The following MCM9 variants were observed in gnomAD, a reference collection of about 807,000 sequenced individuals.
The protein encoded by MCM9 is DNA helicase MCM9.
MCM9 carries 55 observed loss-of-function variants against 72.8 expected under a neutral mutation model. That is an observed-to-expected ratio of 0.76 (90% CI 0.61 to 0.95). The LOEUF (loss-of-function observed/expected upper bound fraction) is 0.95, where lower values mean the gene tolerates loss of function less well. MCM9 is among the 40% of genes least tolerant of loss of function. The pLI, the probability that MCM9 is intolerant of heterozygous loss-of-function variation, is 0.00. For missense variants in MCM9, 1,279 were observed against 1,377.0 expected (o/e 0.93, Z 1.13); for synonymous variants, 480 against 503.4 (o/e 0.95, Z 0.62).
chr6:118,865,218 G>C (rs1376710362), intron 8 of MCM9, among the ~76,000 whole-genome samples: 1 of 151,960 alleles, frequency 6.6e-6, no homozygotes, highest in East Asian at 1.9e-4. Context: ...ACAGAAAAAA[G>C]TGCCAGTTTT....
chr6:118,875,067 C>T (rs921396469), intron 8 of MCM9, among the ~76,000 whole-genome samples: 9 of 152,246 alleles, frequency 5.9e-5, no homozygotes, highest in Non-Finnish European at 8.8e-5. Context: ...GAGCCAAGAT[C>T]GCGCCATTGC....
At position 118,893,360 on chromosome 6, in the gene MCM9, A is replaced by G. The variant is rs147109562; in HGVS notation, c.1150+18290T>C. 4.0e-3 allele frequency among the ~76,000 whole-genome samples: 606 copies of G among 152,264 alleles called. 11 individuals carry two copies. In the East Asian group the frequency reaches 0.045, roughly 11 times the overall value. On this transcript the variant is annotated intron_variant, in intron 8 of 13. Transcript: ENST00000619706. ...ACGTTTGTTGCCCTGTTGGTCTCCT[A>G]ACACTTCCATTTTCTCCTTTTATGT...
intron 8 of MCM9, among the ~76,000 whole-genome samples, chr6:118,867,103 G>A (rs1014109990): frequency 9.9e-5 from 15 of 151,384 alleles, no homozygotes; most frequent in African/African-American, 3.4e-4. Context: ...TTAAAAAAAG[G>A]GGGTGATAAA....
At chr6:118,879,957 T>A (rs963755910) in intron 8 of MCM9, among the ~76,000 whole-genome samples, 5 of 151,164 alleles carry the variant, frequency 3.3e-5, no homozygotes, top group African/African-American at 1.2e-4. Flanking sequence ...GCAAGGAGAA[T>A]CACTTGAACC....
intron 6 of MCM9, among the ~76,000 whole-genome samples, chr6:118,916,378 G>T (rs1436498907): frequency 6.8e-6 from 1 of 146,354 alleles, no homozygotes; most frequent in Non-Finnish European, 1.5e-5. Context: ...AAAAAAAAAA[G>T]AAAAAAGAAA....
At position 118,828,069 on chromosome 6, in the gene MCM9, G is replaced by A; in HGVS notation, c.1590C>T (p.Leu530=). 1 of 1,550,638 alleles carries A rather than the reference G, an allele frequency of 6.4e-7. No homozygotes were observed. The highest frequency in any genetic ancestry group is 8.7e-7 in the Non-Finnish European group (1 of 1,147,018). ...ACAGTGTGGGCTGCAGATTCCTTAT[G>A]AGGCAGAAATAGGTTTTCATCTTTT... is the stretch of plus-strand genomic sequence containing the variant. The part of the protein sequence containing the change: ...SMEKMKTYFC[L]IRNLQPTLSD... The change falls in exon 11 of 14, where the codon CTC becomes CTT. Residue 530 remains leucine, a synonymous_variant. Coordinates refer to ENST00000619706, the MANE Select transcript of MCM9 (RefSeq NM_017696.3).
chr6:118,854,487 G>A (rs1485836750), intron 9 of MCM9, among the ~76,000 whole-genome samples: 1 of 152,140 alleles, frequency 6.6e-6, no homozygotes, highest in African/African-American at 2.4e-5. Flanking sequence ...CGAGTTGCTG[G>A]GATTACAGGC....
intron 8 of MCM9, among the ~76,000 whole-genome samples, chr6:118,887,310 T>C (rs554709032): frequency 2.6e-5 from 4 of 152,268 alleles, no homozygotes; most frequent in South Asian, 4.1e-4. Flanking sequence ...ACAGAATTGA[T>C]TGTCCAGAAA....
At chr6:118,882,171 T>C (rs1211432075) in intron 8 of MCM9, among the ~76,000 whole-genome samples, 5 of 152,062 alleles carry the variant, frequency 3.3e-5, no homozygotes, top group African/African-American at 1.2e-4. Context: ...AGCTGACTCA[T>C]AAGGTAAAGG....
At chr6:118,893,836 C>A (rs1176752691) in intron 8 of MCM9, among the ~76,000 whole-genome samples, 1 of 81,678 alleles carries the variant, frequency 1.2e-5, no homozygotes, top group African/African-American at 3.9e-5. Flanking sequence ...AATCAAAAAA[C>A]CAAAAAAACA....
chr6:118,908,157 C>T (rs1188783964), intron 8 of MCM9: 1 of 152,714 alleles, frequency 6.5e-6, no homozygotes, highest in Non-Finnish European at 1.5e-5. Context: ...ACCGTGAAGC[C>T]TCTTATGGCT....
chr6:118,842,291 AC>A (rs1360707856), intron 9 of MCM9, among the ~76,000 whole-genome samples: 1 of 152,224 alleles, frequency 6.6e-6, no homozygotes, highest in Admixed American at 6.5e-5. Flanking sequence ...ATCTAGTGAT[AC>A]CCTGCTTTTG....
chr6:118,902,607 T>C (rs974845578), intron 8 of MCM9, among the ~76,000 whole-genome samples: 1 of 151,940 alleles, frequency 6.6e-6, no homozygotes, highest in Non-Finnish European at 1.5e-5. Flanking sequence ...TGAAAATCTT[T>C]TGTGTTTGTT....
intron 3 of MCM9, among the ~76,000 whole-genome samples, chr6:118,926,660 TTTTG>T (rs1471500603): frequency 2.6e-5 from 4 of 152,238 alleles, no homozygotes; most frequent in Non-Finnish European, 5.9e-5. Flanking sequence ...ATATACCGTA[TTTTG>T]TTTATTCATT....
At chr6:118,910,822 T>A in intron 8 of MCM9, 1 of 985,394 alleles carries the variant, frequency 1.0e-6, no homozygotes, top group Non-Finnish European at 1.2e-6. Context: ...GTTTTCCACT[T>A]ATACAGGACC....
chr6:118,924,265 TC>T, intron 3 of MCM9, 138 bp from the exon 4 acceptor site: 1 of 759,974 alleles, frequency 1.3e-6, no homozygotes, highest in Non-Finnish European at 2.1e-6. Flanking sequence ...TAAGAAAAAA[TC>T]AGATCATCAA....
chr6:118,911,974 TAATA>T (rs1780587716), intron 7 of MCM9: 1 of 404,584 alleles, frequency 2.5e-6, no homozygotes, highest in South Asian at 5.5e-5. Flanking sequence ...TAAATTCTAT[TAATA>T]AATTATGTGC....
intron 8 of MCM9, chr6:118,901,033 GTC>G (rs1355413379): frequency 1.7e-6 from 1 of 586,598 alleles, no homozygotes; most frequent in Non-Finnish European, 3.0e-6. Context: ...GTTTTAGGCA[GTC>G]TCTGTGTCAC....
intron 8 of MCM9, among the ~76,000 whole-genome samples, chr6:118,862,922 T>C (rs970117020): frequency 6.6e-5 from 10 of 151,938 alleles, no homozygotes; most frequent in African/African-American, 1.9e-4. Context: ...AAAAGAGAAA[T>C]AAAGACTTTC....
Sources: gnomAD v4.1 joint callset for allele counts (sites outside exome capture counted in the v4.1 genomes callset) on GRCh38, gnomAD v4.1.1 for gene constraint, MANE v1.5 for transcripts, NCBI Gene and HGNC (gene_info 2026-07-23, HGNC 2026-07-21) for gene names.